The following ARHGEF4 variants were observed in gnomAD, a reference collection of about 807,000 sequenced individuals.
ARHGEF4 encodes Rho guanine nucleotide exchange factor 4.
In ARHGEF4, 119 loss-of-function variants were observed where a neutral mutation model predicts 162.0. That is an observed-to-expected ratio of 0.73 (90% CI 0.63 to 0.86). The LOEUF is 0.86. Ranked by LOEUF, ARHGEF4 falls within the 40% of genes least tolerant of loss-of-function variation. The probability of loss-of-function intolerance (pLI) is 0.00; values close to 1 mark genes in which losing one functional copy is unlikely to be tolerated. For missense variants in ARHGEF4, 2,488 were observed against 2,456.0 expected, an observed-to-expected ratio of 1.01 and a Z score of -0.28; for synonymous variants, 1,014 against 979.9, an observed-to-expected ratio of 1.03 and a Z score of -0.65.
At chr2:130,851,831 C>T (rs896086232) in intron 1 of ARHGEF4, among the ~76,000 whole-genome samples, 3 of 152,194 alleles carry the variant, frequency 2.0e-5, no homozygotes, top group Non-Finnish European at 2.9e-5. Context: ...TTGTGTAAGG[C>T]CCAAATGAGA....
chr2:130,876,711 G>A (rs1678874358), intron 1 of ARHGEF4, among the ~76,000 whole-genome samples: 1 of 152,208 alleles, frequency 6.6e-6, no homozygotes, highest in South Asian at 2.1e-4. Flanking sequence ...TTTTCAAAGA[G>A]ATAGGTATTA....
Position 130,915,042 on chromosome 2 carries a change from G to C in ARHGEF4, c.1096G>C (p.Gly366Arg). The C allele has an allele frequency of 6.4e-7, 1 of 1,550,722 alleles. No individual in the cohort carries two copies. Among genetic ancestry groups the C allele is most frequent in the South Asian group, 1.2e-5 (1 of 84,062 alleles). Residue 366 changes from glycine (G) to arginine (R), a missense_variant, in exon 2 of 14, where the codon GGG becomes CGG. Coordinates refer to ENST00000409359, the MANE Select transcript of ARHGEF4 (RefSeq NM_001367493.1). ...VVKSGTHVKE[G>R]AKNERDPRIQ... ...GAAGTCTGGGACCCATGTGAAGGAA[G>C]GGGCCAAAAATGAACGAGATCCAAG...
At position 131,040,288 on chromosome 2, in the gene ARHGEF4, G is replaced by A. The variant is rs1466426267; in HGVS notation, c.4510G>A (p.Ala1504Thr). 6.2e-7 allele frequency: 1 copy of A among 1,613,004 alleles called. No homozygotes were observed. The change falls in exon 8 of 14, where the codon GCA becomes ACA. Residue 1504 changes from alanine to threonine, a missense_variant. This residue lies in a region of ARHGEF4 where 415 missense variants were observed against 512.4 expected (regional missense o/e 0.81). Coordinates refer to ENST00000409359, the MANE Select transcript of ARHGEF4 (RefSeq NM_001367493.1). ...CTACGTCCGGCAGTGCCGCAAGCGC[G>A]CAGACATGTTCAGCGAGGAGCAGCT... is the stretch of plus-strand genomic sequence containing the variant. Reference protein sequence around the residue: ...EGYVRQCRKRADMFSEEQLRT... With the variant: ...EGYVRQCRKRTDMFSEEQLRT...
intron 1 of ARHGEF4, among the ~76,000 whole-genome samples, chr2:130,847,145 C>A (rs551079675): frequency 6.6e-6 from 1 of 152,230 alleles, no homozygotes; most frequent in Non-Finnish European, 1.5e-5. Context: ...TTGCCCCTGC[C>A]GGACACCTGG....
intron 5 of ARHGEF4, chr2:131,035,648 G>A (rs1418139251): frequency 3.0e-6 from 3 of 989,598 alleles, no homozygotes; most frequent in African/African-American, 1.7e-5. Flanking sequence ...TCAGGTGTGT[G>A]GAAGACCCCC....
intron 5 of ARHGEF4, among the ~76,000 whole-genome samples, chr2:131,033,004 C>T (rs532990951): frequency 2.0e-5 from 3 of 151,964 alleles, no homozygotes; most frequent in South Asian, 2.1e-4. Flanking sequence ...AGGCACATGC[C>T]GCCACTCCTG....
At chr2:130,839,212 C>G (rs112703859) in intron 1 of ARHGEF4, among the ~76,000 whole-genome samples, 3 of 152,064 alleles carry the variant, frequency 2.0e-5, no homozygotes, top group Non-Finnish European at 4.4e-5. Context: ...AGACACTGGT[C>G]GTAAGGAATA....
intron 4 of ARHGEF4, among the ~76,000 whole-genome samples, chr2:130,957,819 C>T (rs1684381978): frequency 6.6e-6 from 1 of 150,794 alleles, no homozygotes; most frequent in Non-Finnish European, 1.5e-5. Flanking sequence ...TGGAAGAGGG[C>T]CCTCACTGGA....
chr2:130,913,299 G>A (rs576126909), intron 1 of ARHGEF4, among the ~76,000 whole-genome samples: 3 of 152,202 alleles, frequency 2.0e-5, no homozygotes, highest in Non-Finnish European at 4.4e-5. Context: ...TTACAGGAAT[G>A]TACTCAGTTT....
At chr2:130,922,536 C>G (rs987569259) in intron 2 of ARHGEF4, among the ~76,000 whole-genome samples, 1 of 152,014 alleles carries the variant, frequency 6.6e-6, no homozygotes, top group Non-Finnish European at 1.5e-5. Context: ...TGTTGTTTAT[C>G]AGGAATTCTC....
intron 1 of ARHGEF4, among the ~76,000 whole-genome samples, chr2:130,851,903 C>A (rs1681441496): frequency 1.3e-5 from 2 of 152,228 alleles, no homozygotes; most frequent in African/African-American, 2.4e-5. Context: ...CTGCCACCTG[C>A]CAGGTTGGTG....
intron 1 of ARHGEF4, among the ~76,000 whole-genome samples, chr2:130,848,341 G>C (rs577394259): frequency 8.5e-5 from 13 of 152,310 alleles, no homozygotes; most frequent in Admixed American, 3.9e-4. Context: ...TCATCCCCAC[G>C]CACAGCATTT....
chr2:131,011,549 C>A, intron 4 of ARHGEF4: 2 of 1,336,006 alleles, frequency 1.5e-6, no homozygotes, highest in Non-Finnish European at 2.0e-6. Flanking sequence ...GGACCTCAAG[C>A]ATGTGCTTCC....
In ARHGEF4 at chr2:131,040,141, G is replaced by C. The variant is rs780017675; in HGVS notation, c.4431G>C (p.Glu1477Asp). Residue 1477 changes from glutamate (E) to aspartate (D), a missense_variant, in exon 7 of 14, where the codon GAG becomes GAC. Glu to Asp is a conservative substitution (Grantham distance 45). Transcript: ENST00000409359. The stretch of plus-strand genomic sequence containing the variant: ...AGATGCGGACCAACGTCATCAACGA[G>C]ATCCTCAGCACTGAGCGGGACTACA... ...KDQMRTNVIN[E>D]ILSTERDYIK... The C allele has an allele frequency of 6.2e-7, 1 of 1,613,452 alleles. No individual in the cohort carries two copies. The highest frequency in any genetic ancestry group is 8.5e-7 in the Non-Finnish European group (1 of 1,179,792).
intron 13 of ARHGEF4, chr2:131,045,656 C>A: frequency 6.6e-7 from 1 of 1,507,180 alleles, no homozygotes; most frequent in Admixed American, 2.2e-5. Context: ...ACTCTCAACA[C>A]CTTGGCTCCC....
At chr2:130,911,866 T>G (rs1314679277) in intron 1 of ARHGEF4, among the ~76,000 whole-genome samples, 1 of 152,204 alleles carries the variant, frequency 6.6e-6, no homozygotes, top group Non-Finnish European at 1.5e-5. Flanking sequence ...GGCATTCTAG[T>G]CACCAGGGTC....
At chr2:131,002,749 G>T (rs1394657098) in intron 4 of ARHGEF4, among the ~76,000 whole-genome samples, 1 of 148,444 alleles carries the variant, frequency 6.7e-6, no homozygotes, top group Non-Finnish European at 1.5e-5. Context: ...AAAGGGTTGT[G>T]GGGGCTGGGG....
At chr2:130,922,441 C>G (rs1358036848) in intron 2 of ARHGEF4, among the ~76,000 whole-genome samples, 1 of 151,902 alleles carries the variant, frequency 6.6e-6, no homozygotes, top group East Asian at 1.9e-4. Context: ...TCCAAGTTGC[C>G]TTGGAGAGTG....
rs1296789896 is a variant in ARHGEF4, at chr2:131,044,676, C to T, written c.5401+134C>T. 2.4e-6 allele frequency: 3 copies of T among 1,233,862 alleles called. No individual in the cohort carries two copies. The African/African-American group carries it at 4.6e-5, about 19-fold the overall frequency. The allele number at this position is 1,233,862 out of a possible 1,614,324, so 76.4% of individuals were successfully genotyped here. ...GGGTGTAGCAAGGCTCCAGGCACCT[C>T]TAGGTCCCAGTCATGAGCATAAGGC... On this transcript the variant is annotated intron_variant, in intron 12 of 13. Coordinates refer to ENST00000409359, the MANE Select transcript of ARHGEF4 (RefSeq NM_001367493.1).
Sources: allele counts gnomAD v4.1 joint callset (sites outside exome capture counted in the v4.1 genomes callset), GRCh38; gene constraint gnomAD v4.1.1; regional missense constraint gnomAD v4.1.1; transcripts MANE v1.5; gene names NCBI Gene and HGNC (gene_info 2026-07-23, HGNC 2026-07-21).